DHX37: variants seen among roughly 807,000 people sequenced by gnomAD.
The protein encoded by DHX37 is probable ATP-dependent RNA helicase DHX37.
DHX37 carries 52 observed loss-of-function variants against 134.3 expected under a neutral mutation model. The observed-to-expected ratio is 0.39, with a 90% CI of 0.31 to 0.49. The LOEUF is 0.49. Among genes scored for constraint, DHX37 ranks in the 20% least tolerant of loss-of-function variants. The probability of loss-of-function intolerance (pLI) is 0.93; values close to 1 mark genes in which losing one functional copy is unlikely to be tolerated. For synonymous variants in DHX37, 634 were observed against 670.7 expected (o/e 0.95, Z 0.85); for missense variants, 1,344 against 1,580.8 (o/e 0.85, Z 2.54).
chr12:124,969,071 C>T, intron 8 of DHX37, 103 bp from the exon 9 acceptor site: 5 of 1,106,036 alleles, frequency 4.5e-6, no homozygotes, highest in South Asian at 4.2e-5. Context: ...CCGTTTCCAG[C>T]CCCCACCCTC....
At chr12:124,972,391 G>C (rs1378230899) in intron 7 of DHX37, 112 bp downstream of exon 7, 1 of 1,056,928 alleles carries the variant, frequency 9.5e-7, no homozygotes, top group Non-Finnish European at 1.5e-6. Flanking sequence ...CAGCACCGTG[G>C]GAGTGCTGGA....
Position 124,953,950 on chromosome 12 carries a change from G to A in DHX37, c.2625C>T (p.Cys875=), listed in dbSNP as rs915989751. The stretch of plus-strand genomic sequence containing the variant: ...CTTTGTACCGCAGCCCGTTGGCTTC[G>A]CAAAACTGGGGTGTGCAGCTGGCAT... The part of the protein sequence containing the change: ...CEYASCTPQF[C]EANGLRYKAM... The change falls in exon 20 of 27, where the codon TGC becomes TGT. Residue 875 remains cysteine, a synonymous_variant. Transcript: ENST00000308736. The A allele has an allele frequency of 4.3e-6, 7 of 1,613,350 alleles. No homozygotes were observed. The highest frequency in any genetic ancestry group is 1.1e-5 in the South Asian group (1 of 91,074).
At chr12:124,948,293 G>A in intron 25 of DHX37, 112 bp from the exon 26 acceptor site, 1 of 1,468,226 alleles carries the variant, frequency 6.8e-7, no homozygotes, top group Non-Finnish European at 9.0e-7. Flanking sequence ...ACCCAGGAGG[G>A]TGAAGAGCTG....
intron 8 of DHX37, among the ~76,000 whole-genome samples, chr12:124,969,486 C>A (rs1954472594): frequency 6.6e-6 from 1 of 152,138 alleles, no homozygotes; most frequent in Non-Finnish European, 1.5e-5. Flanking sequence ...AGGCAGGACA[C>A]CCAGCACAGG....
chr12:124,968,804 C>G, intron 9 of DHX37, 63 bp downstream of exon 9: 1 of 1,603,448 alleles, frequency 6.2e-7, no homozygotes, highest in Non-Finnish European at 8.5e-7. Flanking sequence ...TCTCAGGGGG[C>G]TCCCGACACC....
chr12:124,959,011 GTGA>G (rs777795609), intron 16 of DHX37, among the ~76,000 whole-genome samples: 64 of 143,236 alleles, frequency 4.5e-4, no homozygotes, highest in East Asian at 1.4e-3. Flanking sequence ...CCAGGTTCCA[GTGA>G]TTCTCCTGCC....
At chr12:124,986,436 C>T (rs1449396814) in intron 1 of DHX37, among the ~76,000 whole-genome samples, 171 bp from the exon 2 acceptor site, 9 of 152,018 alleles carry the variant, frequency 5.9e-5, no homozygotes, top group Non-Finnish European at 1.2e-4. Flanking sequence ...CAAGGCTTGG[C>T]GCAGGGGCTC....
rs115825515 is a variant in DHX37, at chr12:124,964,307, A to T, written c.2045+87T>A. On this transcript the variant is annotated intron_variant, in intron 15 of 26. Transcript: ENST00000308736. ...AGGACACGGAACATACTACAGATGG[A>T]GGTGGGGGTCAGCATCCTTCCCTTG... The T allele has an allele frequency of 1.6e-3, 2,553 of 1,579,928 alleles. 34 individuals carry two copies. In the African/African-American group the frequency reaches 0.028, roughly 18 times the overall value.
At position 124,967,135 on chromosome 12, in the gene DHX37, C is replaced by T; in HGVS notation, c.1492G>A (p.Ala498Thr). 6.2e-7 allele frequency: 1 copy of T among 1,613,740 alleles called. No individual in the cohort carries two copies. Reference sequence around the variant, plus strand: ...GCGTCCTCTTTACCTTGTGGCCGGGCTCTGGAGGGTGGGAAAGCCTTCCTG... The same window carrying T: ...GCGTCCTCTTTACCTTGTGGCCGGGTTCTGGAGGGTGGGAAAGCCTTCCTG... ...RLRKAFPPSR[A>T]RPQEKDDDQK... Residue 498 changes from alanine to threonine, a missense_variant, in exon 11 of 27, where the codon GCC (alanine) becomes ACC (threonine). This residue lies in a region of DHX37 where 289 missense variants were observed against 323.8 expected (regional missense o/e 0.89). Coordinates refer to ENST00000308736, the MANE Select transcript of DHX37 (RefSeq NM_032656.4).
intron 15 of DHX37, among the ~76,000 whole-genome samples, chr12:124,961,378 T>C (rs1954261818): frequency 6.6e-6 from 1 of 152,164 alleles, no homozygotes; most frequent in South Asian, 2.1e-4. Flanking sequence ...GAGAAAATAT[T>C]TGTCAATGAC....
chr12:124,988,774 TCATCTGGAATGGGGGGACCCATTCCC>T (rs1954921689), intron 1 of DHX37, 117 bp downstream of exon 1: 1 of 423,624 alleles, frequency 2.4e-6, no homozygotes, highest in African/African-American at 2.1e-5. Flanking sequence ...CTCCTTTGGA[TCATCTGGAATGGGGGGACCCATTCCC>T]CCATTCCAGA....
intron 16 of DHX37, 132 bp downstream of exon 16, chr12:124,960,180 T>C: frequency 6.9e-7 from 1 of 1,447,828 alleles, no homozygotes; most frequent in South Asian, 1.4e-5. Context: ...TGGGAGCACC[T>C]GCTGATGCAC....
chr12:124,971,212 A>G, intron 8 of DHX37, 90 bp downstream of exon 8: 2 of 1,533,156 alleles, frequency 1.3e-6, no homozygotes, highest in Non-Finnish European at 8.8e-7. Flanking sequence ...CCAGGGTACA[A>G]CGGGGAACAG....
chr12:124,953,920 C>G lies in DHX37; in HGVS notation c.2655G>C (p.Met885Ile), dbSNP rs773170866. 1.9e-6 allele frequency: 3 copies of G among 1,612,886 alleles called. No homozygotes were observed. Among genetic ancestry groups the G allele is most frequent in the Non-Finnish European group, 2.5e-6 (3 of 1,179,784 alleles). Residue 885 changes from methionine (M) to isoleucine (I), a missense_variant, in exon 20 of 27, where the codon ATG (methionine) becomes ATC (isoleucine). Around this residue, in one of 7 missense-constraint regions of DHX37, gnomAD observed 558 missense variants for 650.0 expected, o/e 0.86. Transcript: ENST00000308736. ...CEANGLRYKA[M>I]MEIRRLRGQL... ...GGCCCCGCAGGCGCCGGATCTCCATCATGGCTTTGTACCGCAGCCCGTTGG... is the reference window on the plus strand; with the variant it reads ...GGCCCCGCAGGCGCCGGATCTCCATGATGGCTTTGTACCGCAGCCCGTTGG...
Position 124,968,548 on chromosome 12 carries a change from C to T in DHX37, c.1394G>A (p.Arg465Gln), listed in dbSNP as rs143588731. Residue 465 changes from arginine (R) to glutamine (Q), a missense_variant, in exon 10 of 27, where the codon CGG (arginine) becomes CAG (glutamine). This residue lies in a region of DHX37 where 289 missense variants were observed against 323.8 expected (regional missense o/e 0.89). Transcript: ENST00000308736. Reference protein sequence around the residue: ...ECFRKVCKIHRMLPAGGILVF... With the variant: ...ECFRKVCKIHQMLPAGGILVF... ...CAGGGCCTCACCTGCGGGCAGCATCCGGTGGATCTTGCAGACCTTCCGGAA... is the reference window on the plus strand; with the variant it reads ...CAGGGCCTCACCTGCGGGCAGCATCTGGTGGATCTTGCAGACCTTCCGGAA... 82 of 1,613,526 alleles carry T rather than the reference C, an allele frequency of 5.1e-5. 1 individual carries two copies. Among genetic ancestry groups the T allele is most frequent in the African/African-American group, 3.7e-4 (28 of 75,060 alleles).
At chr12:124,951,735 G>A (rs1001379296) in intron 21 of DHX37, among the ~76,000 whole-genome samples, 5 of 152,142 alleles carry the variant, frequency 3.3e-5, no homozygotes, top group African/African-American at 1.2e-4. Flanking sequence ...GTTTTGGGAG[G>A]CCGAGGTGGG....
chr12:124,961,948 T>A lies in DHX37; in HGVS notation c.2046-1525A>T, dbSNP rs573280249. On this transcript the variant is annotated intron_variant, in intron 15 of 26. Transcript: ENST00000308736. ...GCTCAAAAATACTGAAGCTTTCATA[T>A]TAAAAAAAAAGTGGGGGTGGGTGAG... Among the ~76,000 whole-genome samples, 271 of 152,034 alleles carry A rather than the reference T, an allele frequency of 1.8e-3. 1 individual carries two copies. Among genetic ancestry groups the A allele is most frequent in the Non-Finnish European group, 3.2e-3 (220 of 67,978 alleles).
At position 124,955,374 on chromosome 12, in the gene DHX37, A is replaced by G. The variant is rs111535551; in HGVS notation, c.2454-1163T>C. Among the ~76,000 whole-genome samples, 4 of 152,278 alleles carry G rather than the reference A, an allele frequency of 2.6e-5. No homozygotes were observed. The South Asian group carries it at 6.2e-4, about 24-fold the overall frequency. Reference sequence around the variant, plus strand: ...CTGGTTCTTGGGCCTTCAGACCCCAACTGAAACTGACACCACTTTCTGTTT... The same window carrying G: ...CTGGTTCTTGGGCCTTCAGACCCCAGCTGAAACTGACACCACTTTCTGTTT... On this transcript the variant is annotated intron_variant, in intron 18 of 26. Coordinates refer to ENST00000308736, the MANE Select transcript of DHX37 (RefSeq NM_032656.4).
At chr12:124,984,589 G>A (rs1162678878) in intron 2 of DHX37, among the ~76,000 whole-genome samples, 1 of 151,374 alleles carries the variant, frequency 6.6e-6, no homozygotes, top group Non-Finnish European at 1.5e-5. Context: ...GAAACTGTAA[G>A]ACAAACAACA....
Sources: allele counts gnomAD v4.1 joint callset (sites outside exome capture counted in the v4.1 genomes callset), GRCh38; gene constraint gnomAD v4.1.1; regional missense constraint gnomAD v4.1.1; transcripts MANE v1.5; gene names NCBI Gene and HGNC (gene_info 2026-07-23, HGNC 2026-07-21).